Variants in CROCC2 observed in about 807,000 individuals in gnomAD.
CROCC2 encodes the protein ciliary rootlet coiled-coil, rootletin family member 2.
In CROCC2, 163 loss-of-function variants were observed where a neutral mutation model predicts 177.6. The ratio of observed to expected loss-of-function variants is 0.92; its 90% CI spans 0.81 to 1.05. CROCC2 has a LOEUF of 1.05. CROCC2 is among the 50% of genes least tolerant of loss of function. CROCC2 has a pLI of 0.00. For synonymous variants in CROCC2, 904 were observed against 787.3 expected, an observed-to-expected ratio of 1.15 and a Z score of -2.48; for missense variants, 1,929 against 1,797.8, an observed-to-expected ratio of 1.07 and a Z score of -1.32.
chr2:240,914,072 G>C (rs547299436), intron 1 of CROCC2, among the ~76,000 whole-genome samples: 4 of 152,354 alleles, frequency 2.6e-5, no homozygotes, highest in Non-Finnish European at 5.9e-5. Context: ...AGGGGCTGCC[G>C]CCCGGCCCGG....
chr2:240,919,814 C>T (rs1476727048), intron 2 of CROCC2, among the ~76,000 whole-genome samples, 169 bp from the exon 3 acceptor site: 2 of 152,170 alleles, frequency 1.3e-5, no homozygotes, highest in African/African-American at 4.8e-5. Flanking sequence ...GTCTGCCTCC[C>T]TATGTTAGGG....
intron 30 of CROCC2, among the ~76,000 whole-genome samples, chr2:240,990,499 C>A (rs1407979930): frequency 6.6e-6 from 1 of 152,202 alleles, no homozygotes; most frequent in Non-Finnish European, 1.5e-5. Flanking sequence ...AAGTTAGGGT[C>A]CCCAACCACC....
At chr2:240,910,306 G>A (rs1022593537) in intron 1 of CROCC2, among the ~76,000 whole-genome samples, 1 of 144,440 alleles carries the variant, frequency 6.9e-6, no homozygotes, top group African/African-American at 2.5e-5. Flanking sequence ...GAAGCATGGC[G>A]CAGAGTCCCG....
chr2:240,949,394 C>A lies in CROCC2; in HGVS notation c.2483-139C>A, dbSNP rs1391345536. The stretch of plus-strand genomic sequence containing the variant: ...GTACCCTTGACCCTGCTCAGCCCAC[C>A]CTGCCATGTGCTGGCCACCCACTCC... On this transcript the variant is annotated intron_variant, in intron 16 of 31. Coordinates refer to ENST00000690015, the MANE Select transcript of CROCC2 (RefSeq NM_001351305.2). The surrounding 1 kb of genome is among the most constrained non-coding windows in gnomAD (Gnocchi z 4.5). The A allele has an allele frequency of 8.8e-7, 1 of 1,141,810 alleles. No homozygotes were observed. Among genetic ancestry groups the A allele is most frequent in the Non-Finnish European group, 1.2e-6 (1 of 808,522 alleles). 70.7% of individuals were successfully genotyped at this position (1,141,810 alleles called of 1,614,324 possible).
In CROCC2 at chr2:240,982,948, G is replaced by C; in HGVS notation, c.4470G>C (p.Gln1490His). The C allele has an allele frequency of 6.4e-7, 1 of 1,550,510 alleles. No homozygotes were observed. Among genetic ancestry groups the C allele is most frequent in the Non-Finnish European group, 8.7e-7 (1 of 1,146,986 alleles). ...SRRHSQGLAK[Q>H]GKLLEEQLTN... ...GGCACAGCCAAGGTCTGGCCAAGCA[G>C]GGGAAGCTGCTGGAAGAACAGCTCA... Residue 1490 changes from glutamine to histidine, a missense_variant, in exon 28 of 32, where the codon CAG becomes CAC. Gln to His is a conservative substitution (Grantham distance 24, BLOSUM62 0). Around this residue, in one of 3 missense-constraint regions of CROCC2, gnomAD observed 388 missense variants for 352.7 expected, o/e 1.10. Transcript: ENST00000690015. This position sits in a 1 kb window ranked among gnomAD's most constrained non-coding sequence, Gnocchi z 4.7.
intron 27 of CROCC2, among the ~76,000 whole-genome samples, chr2:240,971,904 C>T (rs570258410): frequency 3.9e-5 from 6 of 152,110 alleles, no homozygotes; most frequent in African/African-American, 4.8e-5. Flanking sequence ...TGCCGCATCT[C>T]GTCTGCTGCT....
Position 240,964,495 on chromosome 2 carries a change from A to G in CROCC2, c.3335A>G (p.Gln1112Arg), listed in dbSNP as rs2059663544. ...SFKRSKEEKE[Q>R]KLLILEEAQA... Reference sequence around the variant, plus strand: ...AAGCGGTCCAAGGAGGAGAAGGAGCAGAAGCTGCTCATCCTGGAGGAGGCC... The same window carrying G: ...AAGCGGTCCAAGGAGGAGAAGGAGCGGAAGCTGCTCATCCTGGAGGAGGCC... The change falls in exon 22 of 32, where the codon CAG (glutamine) becomes CGG (arginine). Residue 1112 changes from glutamine to arginine, a missense_variant. Coordinates refer to ENST00000690015, the MANE Select transcript of CROCC2 (RefSeq NM_001351305.2). 3.9e-6 allele frequency: 6 copies of G among 1,548,842 alleles called. No homozygotes were observed. The highest frequency in any genetic ancestry group is 1.4e-5 in the African/African-American group (1 of 72,984).
chr2:240,984,464 C>A (rs2059822031), intron 28 of CROCC2, among the ~76,000 whole-genome samples: 1 of 151,914 alleles, frequency 6.6e-6, no homozygotes, highest in Admixed American at 6.6e-5. Flanking sequence ...CGAGGAGGAG[C>A]CTGCTATGTA....
At chr2:240,943,977 T>C (rs1244715178) in intron 14 of CROCC2, among the ~76,000 whole-genome samples, 2 of 152,230 alleles carry the variant, frequency 1.3e-5, no homozygotes, top group East Asian at 3.8e-4. Context: ...GATTGTACGT[T>C]GTATTGCTTT....
chr2:240,957,518 G>A (rs868518803), intron 19 of CROCC2: 6 of 152,322 alleles, frequency 3.9e-5, no homozygotes, highest in Admixed American at 2.6e-4. Context: ...GGGGGGCCGG[G>A]GCGTCCAGGC....
chr2:240,950,350 C>A lies in CROCC2; in HGVS notation c.2669C>A (p.Thr890Asn). 2 of 1,549,914 alleles carry A rather than the reference C, an allele frequency of 1.3e-6. No homozygotes were observed. Among genetic ancestry groups the A allele is most frequent in the African/African-American group, 1.4e-5 (1 of 73,130 alleles). The change falls in exon 18 of 32, where the codon ACC (threonine) becomes AAC (asparagine). Residue 890 changes from threonine to asparagine, a missense_variant. Physicochemically the swap from Thr to Asn is moderately conservative, Grantham distance 65. This residue lies in a region of CROCC2 where 1,397 missense variants were observed against 1,239.9 expected (regional missense o/e 1.13). Coordinates refer to ENST00000690015, the MANE Select transcript of CROCC2 (RefSeq NM_001351305.2). ...TTGGCCCAGGAGACCCTGAGCCTGA[C>A]CCTGGCAGAGGAGAAGGAGGTAGCC... is the stretch of plus-strand genomic sequence containing the variant. ...LQREKETLSLTLAEEKEVARC... is the reference protein window; with the variant it reads ...LQREKETLSLNLAEEKEVARC...
At chr2:240,987,563 T>A (rs2059848808) in intron 28 of CROCC2, among the ~76,000 whole-genome samples, 1 of 152,220 alleles carries the variant, frequency 6.6e-6, no homozygotes, top group African/African-American at 2.4e-5. Context: ...ACTTTACCCA[T>A]GCAAATTATC....
rs1014446439 is a variant in CROCC2 at position 240,963,705 on chromosome 2, G to A, written c.3237G>A (p.Lys1079=). 6.5e-7 allele frequency: 1 copy of A among 1,550,222 alleles called. No individual in the cohort carries two copies. The highest frequency in any genetic ancestry group is 8.7e-7 in the Non-Finnish European group (1 of 1,146,844). The change falls in exon 21 of 32, where the codon AAG becomes AAA. Residue 1079 remains lysine (K), a synonymous_variant. Coordinates refer to ENST00000690015, the MANE Select transcript of CROCC2 (RefSeq NM_001351305.2). ...RRALSDEARE[K]DVLLLFNSEL... ...CGCTGAGTGACGAGGCCCGCGAGAA[G>A]GACGTACTGTTGCTTTTCAACAGCG...
chr2:240,955,869 T>C lies in CROCC2; in HGVS notation c.2840T>C (p.Leu947Pro). 6.5e-7 allele frequency: 1 copy of C among 1,534,922 alleles called. No homozygotes were observed. The highest frequency in any genetic ancestry group is 8.7e-7 in the Non-Finnish European group (1 of 1,146,752). ...LEHKMQQALS[L>P]KETERSLLSE... is the part of the protein sequence containing the mutation. ...CCCCGTCCTGTTCAGGCCCTGTCCC[T>C]GAAAGAAACAGAGCGGAGCCTTCTG... Residue 947 changes from leucine to proline, a missense_variant, in exon 19 of 32, where the codon CTG (leucine) becomes CCG (proline). Physicochemically the swap from Leu to Pro is moderately conservative, Grantham distance 98 (BLOSUM62 -3). Coordinates refer to ENST00000690015, the MANE Select transcript of CROCC2 (RefSeq NM_001351305.2).
At chr2:240,967,277 C>G in intron 25 of CROCC2, 68 bp from the exon 26 acceptor site, 1 of 602,640 alleles carries the variant, frequency 1.7e-6, no homozygotes, top group East Asian at 2.9e-5. Flanking sequence ...CCCCGACCCT[C>G]TAGCAGACAC....
chr2:240,957,913 G>C (rs59206978), intron 19 of CROCC2: 42 of 950,246 alleles, frequency 4.4e-5, no homozygotes, highest in Non-Finnish European at 5.1e-5. Context: ...CAGGGACCCA[G>C]GAAAGCCCTC....
chr2:240,983,666 G>T (rs1384040159), intron 28 of CROCC2: 1 of 1,255,342 alleles, frequency 8.0e-7, no homozygotes, highest in Admixed American at 2.3e-5. Flanking sequence ...GCTGGCCCAC[G>T]CATGCTTCTG....
chr2:240,969,540 G>A (rs1435162091), intron 27 of CROCC2, among the ~76,000 whole-genome samples: 3 of 152,198 alleles, frequency 2.0e-5, no homozygotes, highest in South Asian at 2.1e-4. Context: ...AGACCCAGGC[G>A]GCCTGGCCAG....
At position 240,972,978 on chromosome 2, in the gene CROCC2, C is replaced by T. The variant is rs1028119128; in HGVS notation, c.4401+4716C>T. On this transcript the variant is annotated intron_variant, in intron 27 of 31. Coordinates refer to ENST00000690015, the MANE Select transcript of CROCC2 (RefSeq NM_001351305.2). This position sits in a 1 kb window ranked among gnomAD's most constrained non-coding sequence, Gnocchi z 7.1. Reference sequence around the variant, plus strand: ...GGGGGCTGGGAACATAGCCATGCTCCCTGCTGCCCCATGCCCCTTGCTGAG... The same window carrying T: ...GGGGGCTGGGAACATAGCCATGCTCTCTGCTGCCCCATGCCCCTTGCTGAG... Among the ~76,000 whole-genome samples, 3 of 152,066 alleles carry T rather than the reference C, an allele frequency of 2.0e-5. No individual in the cohort carries two copies. Among genetic ancestry groups the T allele is most frequent in the Admixed American group, 2.0e-4 (3 of 15,266 alleles).
Sources: gnomAD v4.1 joint callset for allele counts (sites outside exome capture counted in the v4.1 genomes callset) on GRCh38, gnomAD v4.1.1 for gene constraint, gnomAD v4.1.1 regional missense constraint, Gnocchi (gnomAD v3.1) non-coding constraint, MANE v1.5 for transcripts, NCBI Gene and HGNC (gene_info 2026-07-23, HGNC 2026-07-21) for gene names.